Variants in PAQR4 observed in about 807,000 individuals in gnomAD.
PAQR4 encodes the protein progestin and adipoQ receptor family member 4.
PAQR4 carries 26 observed loss-of-function variants against 20.9 expected under a neutral mutation model. The observed-to-expected ratio is 1.24, with a 90% CI of 0.91 to 1.73. The LOEUF (loss-of-function observed/expected upper bound fraction) is 1.73, where lower values mean the gene tolerates loss of function less well. Ranked by LOEUF, PAQR4 falls within the 40% of genes most tolerant of loss-of-function variation. The pLI, the probability that PAQR4 is intolerant of heterozygous loss-of-function variation, is 0.00. For missense variants in PAQR4, 400 were observed against 380.1 expected (o/e 1.05, Z -0.44); for synonymous variants, 193 against 171.6 (o/e 1.12, Z -0.97).
chr16:2,970,292 C>T (rs62032330), intron 1 of PAQR4: 2,723 of 165,720 alleles, frequency 0.016, 51 homozygotes, highest in Non-Finnish European at 0.02. Flanking sequence ...CTTCTTCCCC[C>T]AACAGGCGTC....
In PAQR4 at chr16:2,973,294, G is replaced by C; in HGVS notation, c.*1346G>C. On this transcript the variant is annotated 3_prime_UTR_variant, in exon 3 of 3. Transcript: ENST00000318782. ...TGAAACCAGCTCTGTCCCTGTGCAG[G>C]CTCCAGGCTCCCGCCTGACAAACAG... 6.6e-7 allele frequency: 1 copy of C among 1,504,114 alleles called. No homozygotes were observed. The highest frequency in any genetic ancestry group is 8.9e-7 in the Non-Finnish European group (1 of 1,128,104). 93.2% of individuals were successfully genotyped at this position (1,504,114 alleles called of 1,614,324 possible).
rs973834992 is a variant in PAQR4 at position 2,972,256 on chromosome 16, G to A, written c.*308G>A. 3 of 514,200 alleles carry A rather than the reference G, an allele frequency of 5.8e-6. No homozygotes were observed. The Admixed American group carries it at 1.1e-4, about 19-fold the overall frequency. 31.9% of individuals were successfully genotyped at this position (514,200 alleles called of 1,614,324 possible). ...GGTTAGACCAGAGAGGGACTCTGGG[G>A]TCACGTCTTGCTCTGAGAGTTCAAG... On this transcript the variant is annotated 3_prime_UTR_variant, in exon 3 of 3. Coordinates refer to ENST00000318782, the MANE Select transcript of PAQR4 (RefSeq NM_152341.5).
At position 2,972,864 on chromosome 16, in the gene PAQR4, C is replaced by A; in HGVS notation, c.*916C>A. The A allele has an allele frequency of 6.5e-7, 1 of 1,535,304 alleles. No homozygotes were observed. On this transcript the variant is annotated 3_prime_UTR_variant, in exon 3 of 3. Coordinates refer to ENST00000318782, the MANE Select transcript of PAQR4 (RefSeq NM_152341.5). ...TTAGACACGGCCAGGCAGAGAAGACCATGGGAGTTCCCGAGGGGCCCCAGC... is the reference window on the plus strand; with the variant it reads ...TTAGACACGGCCAGGCAGAGAAGACAATGGGAGTTCCCGAGGGGCCCCAGC...
chr16:2,971,107 C>G, intron 1 of PAQR4, 50 bp from the exon 2 acceptor site: 3 of 1,570,080 alleles, frequency 1.9e-6, no homozygotes, highest in Non-Finnish European at 2.6e-6. Context: ...CCGTGGTCCC[C>G]TTGAGGATGT....
Position 2,971,274 on chromosome 16 carries a change from G to T in PAQR4, c.284G>T (p.Gly95Val). ...HCVACLAPPAGSVLYHLFMCH... is the reference protein window; with the variant it reads ...HCVACLAPPAVSVLYHLFMCH... ...GTGGCCTGCCTTGCACCCCCTGCAG[G>T]CTCCGTGCTCTATCACCTCTTTATG... The change falls in exon 2 of 3, where the codon GGC becomes GTC. Residue 95 changes from glycine to valine, a missense_variant. Transcript: ENST00000318782. 6.2e-7 allele frequency: 1 copy of T among 1,613,012 alleles called. No homozygotes were observed. Among genetic ancestry groups the T allele is most frequent in the African/African-American group, 1.3e-5 (1 of 75,062 alleles).
chr16:2,971,011 G>C (rs1020586292), intron 1 of PAQR4, 146 bp from the exon 2 acceptor site: 12 of 744,810 alleles, frequency 1.6e-5, no homozygotes, highest in African/African-American at 8.7e-5. Context: ...CTTTTGCCCA[G>C]GGCCTGTCTC....
chr16:2,969,661 G>T lies in PAQR4; in HGVS notation c.-14G>T. ...GGGACAGCAGGAGCACGGGCTGCCC[G>T]CGCGGTGCGGACCATGGCGTTCCTG... On this transcript the variant is annotated 5_prime_UTR_variant, in exon 1 of 3. Transcript: ENST00000318782. 1 of 1,513,738 alleles carries T rather than the reference G, an allele frequency of 6.6e-7. No individual in the cohort carries two copies. Among genetic ancestry groups the T allele is most frequent in the South Asian group, 1.2e-5 (1 of 80,410 alleles). 93.8% of individuals were successfully genotyped at this position (1,513,738 alleles called of 1,614,324 possible).
In PAQR4 at chr16:2,972,230, G is replaced by A; in HGVS notation, c.*282G>A. 3.7e-6 allele frequency: 2 copies of A among 534,102 alleles called. No homozygotes were observed. Among genetic ancestry groups the A allele is most frequent in the Non-Finnish European group, 3.3e-6 (1 of 304,178 alleles). The allele number at this position is 534,102 out of a possible 1,614,324, so 33.1% of individuals were successfully genotyped here. On this transcript the variant is annotated 3_prime_UTR_variant, in exon 3 of 3. Transcript: ENST00000318782. ...ACCTCTTTACCCTCTGTGACCTGTG[G>A]GGTTAGACCAGAGAGGGACTCTGGG...
At position 2,973,032 on chromosome 16, in the gene PAQR4, T is replaced by C. The variant is rs1477310500; in HGVS notation, c.*1084T>C. ...GGAGGGGAAGGAGCCCCGAGGAGGC[T>C]CTGAGTTGATGTCACTTAGGTCCAG... is the stretch of plus-strand genomic sequence containing the variant. On this transcript the variant is annotated 3_prime_UTR_variant, in exon 3 of 3. Coordinates refer to ENST00000318782, the MANE Select transcript of PAQR4 (RefSeq NM_152341.5). The C allele has an allele frequency of 6.2e-7, 1 of 1,609,110 alleles. No individual in the cohort carries two copies. The highest frequency in any genetic ancestry group is 1.3e-5 in the African/African-American group (1 of 75,006).
chr16:2,972,459 A>G lies in PAQR4; in HGVS notation c.*511A>G. 1 of 698,472 alleles carries G rather than the reference A, an allele frequency of 1.4e-6. No homozygotes were observed. Among genetic ancestry groups the G allele is most frequent in the Non-Finnish European group, 2.3e-6 (1 of 429,298 alleles). The allele number at this position is 698,472 out of a possible 1,614,324, so 43.3% of individuals were successfully genotyped here. A position where few individuals can be genotyped will look rare whatever the true frequency, so the allele number is the denominator to read the frequency against. On this transcript the variant is annotated 3_prime_UTR_variant, in exon 3 of 3. Transcript: ENST00000318782. ...ACTATGGAGTAAGGCATTCAGGACA[A>G]AAGGACCAAGGGGGCGTGGACCCGT...
chr16:2,969,546 C>A lies in PAQR4; in HGVS notation c.-129C>A. 1 of 1,105,288 alleles carries A rather than the reference C, an allele frequency of 9.0e-7. No homozygotes were observed. Among genetic ancestry groups the A allele is most frequent in the South Asian group, 2.4e-5 (1 of 41,824 alleles). The allele number at this position is 1,105,288 out of a possible 1,614,324, so 68.5% of individuals were successfully genotyped here. On this transcript the variant is annotated 5_prime_UTR_variant, in exon 1 of 3. Coordinates refer to ENST00000318782, the MANE Select transcript of PAQR4 (RefSeq NM_152341.5). ...CCCCCTAGCCAGCGCGTGCGCCGATCGAGCGCAGGGCGATGGGTGGGCGCC... is the reference window on the plus strand; with the variant it reads ...CCCCCTAGCCAGCGCGTGCGCCGATAGAGCGCAGGGCGATGGGTGGGCGCC...
chr16:2,973,058 G>A lies in PAQR4; in HGVS notation c.*1110G>A, dbSNP rs1040463917. 13 of 1,602,212 alleles carry A rather than the reference G, an allele frequency of 8.1e-6. No individual in the cohort carries two copies. The highest frequency in any genetic ancestry group is 1.1e-5 in the Non-Finnish European group (13 of 1,175,458). Reference sequence around the variant, plus strand: ...CTGAGTTGATGTCACTTAGGTCCAGGGCATCCCTGGGAGGAGAGAGTAGTG... The same window carrying A: ...CTGAGTTGATGTCACTTAGGTCCAGAGCATCCCTGGGAGGAGAGAGTAGTG... On this transcript the variant is annotated 3_prime_UTR_variant, in exon 3 of 3. Transcript: ENST00000318782.
At chr16:2,970,037 G>GTTTTC in intron 1 of PAQR4, 197 bp downstream of exon 1, 1 of 722,744 alleles carries the variant, frequency 1.4e-6, no homozygotes, top group Non-Finnish European at 2.2e-6. Flanking sequence ...GCGGGTGGGG[G>GTTTTC]CCGGGTCAGG....
In PAQR4 at chr16:2,973,205, A is replaced by G; in HGVS notation, c.*1257A>G. 2 of 1,507,742 alleles carry G rather than the reference A, an allele frequency of 1.3e-6. No individual in the cohort carries two copies. The highest frequency in any genetic ancestry group is 1.8e-6 in the Non-Finnish European group (2 of 1,124,772). 93.4% of individuals were successfully genotyped at this position (1,507,742 alleles called of 1,614,324 possible). On this transcript the variant is annotated 3_prime_UTR_variant, in exon 3 of 3. Transcript: ENST00000318782. ...GTCCGGGCCAGGACAGCCTCAGGGGAGAGTGAAGGCCTGCAGGAGGGCAGG... is the reference window on the plus strand; with the variant it reads ...GTCCGGGCCAGGACAGCCTCAGGGGGGAGTGAAGGCCTGCAGGAGGGCAGG...
chr16:2,971,275 C>T lies in PAQR4; in HGVS notation c.285C>T (p.Gly95=), dbSNP rs1479623004. 2 of 1,613,044 alleles carry T rather than the reference C, an allele frequency of 1.2e-6. No homozygotes were observed. The highest frequency in any genetic ancestry group is 1.6e-4 in the Middle Eastern group (1 of 6,062). Residue 95 remains glycine, a synonymous_variant, in exon 2 of 3, where the codon GGC becomes GGT. Transcript: ENST00000318782. ...HCVACLAPPA[G]SVLYHLFMCH... is the part of the protein sequence containing the mutation. ...TGGCCTGCCTTGCACCCCCTGCAGG[C>T]TCCGTGCTCTATCACCTCTTTATGT...
rs537252811 is a variant in PAQR4 at position 2,972,125 on chromosome 16, G to A, written c.*177G>A. The stretch of plus-strand genomic sequence containing the variant: ...TGACCTCTTCCACCCACGCCGTGGC[G>A]CTCCAACTTCCTTCCCTGCCTTTTC... On this transcript the variant is annotated 3_prime_UTR_variant, in exon 3 of 3. Coordinates refer to ENST00000318782, the MANE Select transcript of PAQR4 (RefSeq NM_152341.5). The A allele has an allele frequency of 3.2e-5, 20 of 630,526 alleles. 1 individual carries two copies. Among genetic ancestry groups the A allele is most frequent in the South Asian group, 2.1e-4 (9 of 42,668 alleles). 39.1% of individuals were successfully genotyped at this position (630,526 alleles called of 1,614,324 possible). A position where few individuals can be genotyped will look rare whatever the true frequency, so the allele number is the denominator to read the frequency against.
At chr16:2,970,542 A>G (rs919141074) in intron 1 of PAQR4, among the ~76,000 whole-genome samples, 3 of 152,204 alleles carry the variant, frequency 2.0e-5, no homozygotes, top group Non-Finnish European at 4.4e-5. Flanking sequence ...CTAGGCTGGA[A>G]TCAAACTCCC....
In PAQR4 at chr16:2,969,752, G is replaced by A. The variant is rs61740332; in HGVS notation, c.78G>A (p.Leu26=). The stretch of plus-strand genomic sequence containing the variant: ...ACCTGCAGTTCAATAAGTTCGTGCT[G>A]ACCGGGTACCGGCCCGCCAGCAGCG... ...PPHLQFNKFV[L]TGYRPASSGS... The change falls in exon 1 of 3, where the codon CTG becomes CTA. Residue 26 remains leucine (L), a synonymous_variant. Coordinates refer to ENST00000318782, the MANE Select transcript of PAQR4 (RefSeq NM_152341.5). 1.0e-4 allele frequency: 168 copies of A among 1,610,878 alleles called. No homozygotes were observed. The African/African-American group carries it at 2.0e-3, about 19-fold the overall frequency.
At position 2,971,162 on chromosome 16, in the gene PAQR4, G is replaced by C. The variant is rs1332439809; in HGVS notation, c.172G>C (p.Ala58Pro). 2 of 1,613,010 alleles carry C rather than the reference G, an allele frequency of 1.2e-6. No individual in the cohort carries two copies. Among genetic ancestry groups the C allele is most frequent in the Non-Finnish European group, 1.7e-6 (2 of 1,179,884 alleles). ...ATGACTGTCTCCCTCCCTAGGGCTG[G>C]CCCTGCTGGGCTTCCTGGTGCTGGT... ...ELGNIYTHGL[A>P]LLGFLVLVPM... Residue 58 changes from alanine to proline, a missense_variant, in exon 2 of 3, where the codon GCC becomes CCC. Physicochemically the swap from Ala to Pro is conservative, Grantham distance 27 (BLOSUM62 -1). Coordinates refer to ENST00000318782, the MANE Select transcript of PAQR4 (RefSeq NM_152341.5).
Sources: allele counts gnomAD v4.1 joint callset (sites outside exome capture counted in the v4.1 genomes callset), GRCh38; gene constraint gnomAD v4.1.1; transcripts MANE v1.5; gene names NCBI Gene and HGNC (gene_info 2026-07-23, HGNC 2026-07-21).